NPSR1: variants seen among roughly 807,000 people sequenced by gnomAD.
The protein encoded by NPSR1 is neuropeptide S receptor.
Under a neutral mutation model 46.9 loss-of-function variants are expected in NPSR1, and 48 were observed. The ratio of observed to expected loss-of-function variants is 1.02; its 90% CI spans 0.81 to 1.30. The LOEUF is 1.30. NPSR1 is among the 50% of genes most tolerant of loss of function. The pLI is 0.00. For synonymous variants in NPSR1, 176 were observed against 168.1 expected (o/e 1.05, Z -0.36); for missense variants, 450 against 449.5 (o/e 1.00, Z -0.01).
intron 2 of NPSR1, among the ~76,000 whole-genome samples, chr7:34,721,003 T>C (rs1783828718): frequency 6.6e-6 from 1 of 152,134 alleles, no homozygotes; most frequent in Non-Finnish European, 1.5e-5. Flanking sequence ...ATTATGTATA[T>C]GTAAATACCT....
intron 2 of NPSR1, among the ~76,000 whole-genome samples, chr7:34,740,290 G>A (rs948183629): frequency 2.0e-5 from 3 of 151,806 alleles, no homozygotes; most frequent in African/African-American, 7.3e-5. Flanking sequence ...TCCAGGCAGT[G>A]GGTGAGCAGG....
intron 1 of NPSR1, among the ~76,000 whole-genome samples, chr7:34,677,667 C>T (rs1312943538): frequency 1.3e-5 from 2 of 152,148 alleles, no homozygotes; most frequent in East Asian, 3.9e-4. Context: ...CCAACAGATT[C>T]GTCTGCTCTC....
intron 6 of NPSR1, among the ~76,000 whole-genome samples, chr7:34,836,321 T>G (rs940018160): frequency 3.9e-5 from 6 of 152,018 alleles, no homozygotes; most frequent in African/African-American, 7.3e-5. Flanking sequence ...ATCAAATAAA[T>G]GCAGTAAGTA....
At chr7:34,796,686 C>T (rs913432167) in intron 3 of NPSR1, among the ~76,000 whole-genome samples, 3 of 152,246 alleles carry the variant, frequency 2.0e-5, no homozygotes, top group Non-Finnish European at 4.4e-5. Context: ...ACACAAAATG[C>T]TATTGAGAAT....
At chr7:34,668,072 TA>T (rs1482233701) in intron 1 of NPSR1, among the ~76,000 whole-genome samples, 1 of 152,124 alleles carries the variant, frequency 6.6e-6, no homozygotes, top group Non-Finnish European at 1.5e-5. Context: ...TGGAGTTCCT[TA>T]AAGAAGCCAA....
chr7:34,818,341 C>A (rs1335830494), intron 4 of NPSR1, among the ~76,000 whole-genome samples: 2 of 152,024 alleles, frequency 1.3e-5, no homozygotes, highest in African/African-American at 2.4e-5. Context: ...GAATAAAATA[C>A]CTAAGAATCC....
Position 34,676,838 on chromosome 7 carries a change from A to G in NPSR1, c.148-7714A>G, listed in dbSNP as rs558639342. ...TATGTCTGGAAGTGTTCTGAAGCCT[A>G]TGAAGTAAGGTGAGATTATCTTCCA... On this transcript the variant is annotated intron_variant, in intron 1 of 8. Coordinates refer to ENST00000360581, the MANE Select transcript of NPSR1 (RefSeq NM_207172.2). 4.6e-5 allele frequency among the ~76,000 whole-genome samples: 7 copies of G among 152,278 alleles called. No individual in the cohort carries two copies. The South Asian group carries it at 6.2e-4, about 14-fold the overall frequency.
intron 2 of NPSR1, among the ~76,000 whole-genome samples, chr7:34,766,999 G>A (rs1270172332): frequency 6.6e-6 from 1 of 152,208 alleles, no homozygotes; most frequent in Non-Finnish European, 1.5e-5. Context: ...AAATGGGTGG[G>A]TAGGGAGTGT....
intron 2 of NPSR1, among the ~76,000 whole-genome samples, chr7:34,697,335 A>G (rs1463310107): frequency 2.0e-5 from 3 of 151,970 alleles, no homozygotes; most frequent in Admixed American, 2.0e-4. Context: ...GAGGTGTGTT[A>G]AAATCTCTAA....
chr7:34,672,555 G>A (rs545800057), intron 1 of NPSR1, among the ~76,000 whole-genome samples: 24 of 152,196 alleles, frequency 1.6e-4, no homozygotes, highest in African/African-American at 5.3e-4. Flanking sequence ...CATGATCTAC[G>A]GCCCATGGTA....
At chr7:34,751,064 C>CACCT in intron 2 of NPSR1, 2 of 783,552 alleles carry the variant, frequency 2.6e-6, no homozygotes, top group Non-Finnish European at 4.7e-6. Context: ...CCATCTCACT[C>CACCT]ACCTGCCCCT....
At chr7:34,696,255 T>A (rs1469855745) in intron 2 of NPSR1, among the ~76,000 whole-genome samples, 1 of 151,988 alleles carries the variant, frequency 6.6e-6, no homozygotes, top group African/African-American at 2.4e-5. Flanking sequence ...AAGGGGGAGC[T>A]AAATATCCAT....
intron 3 of NPSR1, among the ~76,000 whole-genome samples, chr7:34,799,231 C>T (rs1788351882): frequency 6.6e-6 from 1 of 151,710 alleles, no homozygotes; most frequent in Non-Finnish European, 1.5e-5. Context: ...CGTTATACAG[C>T]ATAAACGTAT....
At chr7:34,817,748 G>A (rs887169934) in intron 4 of NPSR1, among the ~76,000 whole-genome samples, 5 of 152,010 alleles carry the variant, frequency 3.3e-5, no homozygotes, top group Non-Finnish European at 7.4e-5. Flanking sequence ...TCCCCGGGAT[G>A]GAAGGCTGGT....
intron 1 of NPSR1, among the ~76,000 whole-genome samples, chr7:34,667,538 T>G (rs138472466): frequency 3.9e-5 from 6 of 152,088 alleles, no homozygotes; most frequent in Non-Finnish European, 7.4e-5. Context: ...TTACTCAGAT[T>G]CTCCACCTTT....
chr7:34,710,353 A>G (rs1187964423), intron 2 of NPSR1, among the ~76,000 whole-genome samples: 1 of 152,238 alleles, frequency 6.6e-6, no homozygotes, highest in African/African-American at 2.4e-5. Context: ...AAAGGAGCAG[A>G]GGAATTATTT....
chr7:34,792,168 G>T (rs958273134), intron 3 of NPSR1, among the ~76,000 whole-genome samples: 1 of 151,764 alleles, frequency 6.6e-6, no homozygotes, highest in African/African-American at 2.4e-5. Context: ...TGATTTTTTT[G>T]GATAAGACAC....
chr7:34,784,793 C>T (rs985376168), intron 3 of NPSR1, among the ~76,000 whole-genome samples: 1 of 152,156 alleles, frequency 6.6e-6, no homozygotes, highest in African/African-American at 2.4e-5. Context: ...CTCACCATCA[C>T]TGGCCATCAG....
chr7:34,869,863 C>T (rs1213326843), intron 8 of NPSR1, among the ~76,000 whole-genome samples: 1 of 151,808 alleles, frequency 6.6e-6, no homozygotes, highest in Non-Finnish European at 1.5e-5. Flanking sequence ...CAAGGGTGCA[C>T]ATCTCTTCCC....
Sources: gnomAD v4.1 joint callset for allele counts (sites outside exome capture counted in the v4.1 genomes callset) on GRCh38, gnomAD v4.1.1 for gene constraint, MANE v1.5 for transcripts, NCBI Gene and HGNC (gene_info 2026-07-23, HGNC 2026-07-21) for gene names.